The following HMCES variants were observed in gnomAD, a reference collection of about 807,000 sequenced individuals.
HMCES encodes abasic site processing protein HMCES.
A neutral mutation model predicts 35.1 loss-of-function variants in HMCES; 27 were observed. The observed-to-expected ratio is 0.77, with a 90% CI of 0.57 to 1.06. The LOEUF is 1.06. HMCES is among the 50% of genes least tolerant of loss of function. The pLI is 0.00. For synonymous variants in HMCES, 130 were observed against 154.7 expected (o/e 0.84, Z 1.18); for missense variants, 391 against 430.4 (o/e 0.91, Z 0.81).
intron 4 of HMCES, 47 bp downstream of exon 4, chr3:129,290,851 A>G: frequency 6.4e-7 from 1 of 1,552,834 alleles, no homozygotes; most frequent in Non-Finnish European, 8.8e-7. Context: ...GGCACAGGGA[A>G]ACAAATTAAT....
At chr3:129,301,560 A>G (rs991922000) in intron 5 of HMCES, among the ~76,000 whole-genome samples, 2 of 152,132 alleles carry the variant, frequency 1.3e-5, no homozygotes, top group African/African-American at 4.8e-5. Context: ...TTTTGTTCAC[A>G]ATTTTCTTAC....
intron 4 of HMCES, among the ~76,000 whole-genome samples, chr3:129,295,158 C>CAA (rs77238172): frequency 0.079 from 5,132 of 64,554 alleles, 429 homozygotes; most frequent in African/African-American, 0.21. Context: ...GACTCCATCT[C>CAA]AAAAAAAAAA....
At chr3:129,294,910 C>G (rs563421485) in intron 4 of HMCES, among the ~76,000 whole-genome samples, 1 of 151,594 alleles carries the variant, frequency 6.6e-6, no homozygotes, top group South Asian at 2.1e-4. Context: ...GTAATCCCAG[C>G]ACTTCGGGAG....
chr3:129,304,962 CT>C lies in HMCES; in HGVS notation c.*143del. The C allele has an allele frequency of 2.9e-6, 2 of 701,160 alleles. No homozygotes were observed. Among genetic ancestry groups the C allele is most frequent in the Admixed American group, 2.7e-5 (1 of 37,148 alleles). 43.4% of individuals were successfully genotyped at this position (701,160 alleles called of 1,614,324 possible). On this transcript the variant is annotated 3_prime_UTR_variant, in exon 7 of 7. Coordinates refer to ENST00000383463, the MANE Select transcript of HMCES (RefSeq NM_020187.3). Reference sequence around the variant, plus strand: ...GTTGACAGTTGTGGGCTCATGTAGTCTTTTTTGCCATGAGTAGGAGCCCCTA... The same window carrying C: ...GTTGACAGTTGTGGGCTCATGTAGTCTTTTTGCCATGAGTAGGAGCCCCTA...
chr3:129,281,475 G>A lies in HMCES; in HGVS notation c.183+1560G>A, dbSNP rs1940481241. On this transcript the variant is annotated intron_variant, in intron 2 of 6. Coordinates refer to ENST00000383463, the MANE Select transcript of HMCES (RefSeq NM_020187.3). ...GGAGGCCAAGACGGCTGGACCACCT[G>A]AGGTCAGGAGTTCGAGACCAGCCTG... 2.0e-5 allele frequency among the ~76,000 whole-genome samples: 3 copies of A among 151,608 alleles called. No individual in the cohort carries two copies. The South Asian group carries it at 6.3e-4, about 32-fold the overall frequency.
At chr3:129,282,418 C>G (rs1268418178) in intron 2 of HMCES, among the ~76,000 whole-genome samples, 2 of 151,932 alleles carry the variant, frequency 1.3e-5, no homozygotes, top group Non-Finnish European at 2.9e-5. Flanking sequence ...ATGACTTGTC[C>G]TAGGTTACCT....
At chr3:129,299,602 T>G (rs1177294782) in intron 5 of HMCES, among the ~76,000 whole-genome samples, 1 of 151,712 alleles carries the variant, frequency 6.6e-6, no homozygotes, top group Non-Finnish European at 1.5e-5. Flanking sequence ...TTTATTTATA[T>G]ATAGGCCTTA....
intron 2 of HMCES, among the ~76,000 whole-genome samples, chr3:129,287,177 A>G (rs1940659174): frequency 6.6e-6 from 1 of 151,598 alleles, no homozygotes; most frequent in South Asian, 2.1e-4. Flanking sequence ...GTAGTAATGT[A>G]TATGTACAGT....
chr3:129,281,929 A>G (rs1212094540), intron 2 of HMCES, among the ~76,000 whole-genome samples: 15 of 140,960 alleles, frequency 1.1e-4, no homozygotes, highest in Non-Finnish European at 1.8e-4. Flanking sequence ...TCAGTCTCAA[A>G]AAAAAAAAAA....
intron 5 of HMCES, among the ~76,000 whole-genome samples, chr3:129,299,648 C>CTTTTTTTTTTTT (rs34382705): frequency 9.1e-6 from 1 of 110,106 alleles, no homozygotes; most frequent in Admixed American, 1.0e-4. Flanking sequence ...ATAGGTGCTT[C>CTTTTTTTTTTTT]TTTTTTTTTT....
chr3:129,303,104 G>A (rs1447325457), intron 6 of HMCES, among the ~76,000 whole-genome samples: 1 of 152,096 alleles, frequency 6.6e-6, no homozygotes, highest in East Asian at 1.9e-4. Flanking sequence ...CTTAGAATCA[G>A]CAAGGATCCA....
chr3:129,304,696 C>T lies in HMCES; in HGVS notation c.936C>T (p.Pro312=). ...CTCAAAAGGAAGAGTCAGATGTTCCCCAGTGGTCCAGTCAGTTCCTGCAGA... is the reference window on the plus strand; with the variant it reads ...CTCAAAAGGAAGAGTCAGATGTTCCTCAGTGGTCCAGTCAGTTCCTGCAGA... ...KTPQKEESDV[P]QWSSQFLQKS... is the part of the protein sequence containing the mutation. Residue 312 remains proline, a synonymous_variant, in exon 7 of 7, where the codon CCC becomes CCT. Coordinates refer to ENST00000383463, the MANE Select transcript of HMCES (RefSeq NM_020187.3). The T allele has an allele frequency of 6.2e-7, 1 of 1,614,146 alleles. No individual in the cohort carries two copies. Among genetic ancestry groups the T allele is most frequent in the South Asian group, 1.1e-5 (1 of 91,076 alleles).
At chr3:129,304,217 A>T (rs1232844060) in intron 6 of HMCES, among the ~76,000 whole-genome samples, 1 of 152,232 alleles carries the variant, frequency 6.6e-6, no homozygotes, top group Non-Finnish European at 1.5e-5. Context: ...ATTTAGCCTT[A>T]TCACAGTGGC....
chr3:129,302,092 C>G lies in HMCES; in HGVS notation c.778C>G (p.Arg260Gly). Reference sequence around the variant, plus strand: ...AGTCTCTTCTGTGGTGAACAACTCGCGAAACAACACTCCTGAGTGTCTGGC... The same window carrying G: ...AGTCTCTTCTGTGGTGAACAACTCGGGAAACAACACTCCTGAGTGTCTGGC... ...HAVSSVVNNSRNNTPECLAPV... is the reference protein window; with the variant it reads ...HAVSSVVNNSGNNTPECLAPV... The change falls in exon 6 of 7, where the codon CGA becomes GGA. Residue 260 changes from arginine to glycine, a missense_variant. Transcript: ENST00000383463. The G allele has an allele frequency of 6.2e-7, 1 of 1,614,080 alleles. No individual in the cohort carries two copies. The highest frequency in any genetic ancestry group is 8.5e-7 in the Non-Finnish European group (1 of 1,179,978).
chr3:129,297,094 G>C (rs188987942), intron 4 of HMCES, among the ~76,000 whole-genome samples: 2 of 152,280 alleles, frequency 1.3e-5, no homozygotes, highest in Admixed American at 1.3e-4. Flanking sequence ...CCAGTGTTTA[G>C]GGTAAGGATT....
intron 4 of HMCES, among the ~76,000 whole-genome samples, chr3:129,297,797 C>T (rs375390055): frequency 3.3e-5 from 5 of 152,104 alleles, no homozygotes; most frequent in African/African-American, 7.2e-5. Flanking sequence ...GGAAATTGAT[C>T]GACTTACCTC....
chr3:129,279,100 G>A lies in HMCES; in HGVS notation c.-24+195G>A, dbSNP rs2107682441. On this transcript the variant is annotated intron_variant, in intron 1 of 6. Coordinates refer to ENST00000383463, the MANE Select transcript of HMCES (RefSeq NM_020187.3). This position sits in a 1 kb window ranked among gnomAD's most constrained non-coding sequence, Gnocchi z 4.2. ...GCCGGAGCGGAGCGGAGGCGACGCG[G>A]GGAGGGGCGAGGGATCGCGGCCGGT... is the stretch of plus-strand genomic sequence containing the variant. 6.6e-6 allele frequency: 1 copy of A among 152,528 alleles called. No homozygotes were observed. The highest frequency in any genetic ancestry group is 1.5e-5 in the Non-Finnish European group (1 of 68,196). 9.4% of individuals were successfully genotyped at this position (152,528 alleles called of 1,614,324 possible). A position where few individuals can be genotyped will look rare whatever the true frequency, so the allele number is the denominator to read the frequency against.
At position 129,305,115 on chromosome 3, in the gene HMCES, C is replaced by G. The variant is rs1037512045; in HGVS notation, c.*290C>G. 44 of 456,310 alleles carry G rather than the reference C, an allele frequency of 9.6e-5. 6 individuals are homozygous for G. Among genetic ancestry groups the G allele is most frequent in the Admixed American group, 5.4e-4 (14 of 25,772 alleles). The allele number at this position is 456,310 out of a possible 1,614,324, so 28.3% of individuals were successfully genotyped here. A position where few individuals can be genotyped will look rare whatever the true frequency, so the allele number is the denominator to read the frequency against. On this transcript the variant is annotated 3_prime_UTR_variant, in exon 7 of 7. Coordinates refer to ENST00000383463, the MANE Select transcript of HMCES (RefSeq NM_020187.3). ...GGTGGAGTCTTCCCTCAAAGCATGC[C>G]TTACCCAGCTGGGAAGTCTCTGCCC... is the stretch of plus-strand genomic sequence containing the variant.
chr3:129,295,119 A>G (rs2071076089), intron 4 of HMCES, among the ~76,000 whole-genome samples: 1 of 149,722 alleles, frequency 6.7e-6, no homozygotes, highest in African/African-American at 2.5e-5. Context: ...AGATGGCGCC[A>G]CTGCACTCCA....
Sources: allele counts gnomAD v4.1 joint callset (sites outside exome capture counted in the v4.1 genomes callset), GRCh38; gene constraint gnomAD v4.1.1; non-coding constraint Gnocchi (gnomAD v3.1); transcripts MANE v1.5; gene names NCBI Gene and HGNC (gene_info 2026-07-23, HGNC 2026-07-21).